The following SIPA1L2 variants were observed in gnomAD, a reference collection of about 807,000 sequenced individuals.
SIPA1L2 encodes the protein signal induced proliferation associated 1 like 2.
Under a neutral mutation model 163.9 loss-of-function variants are expected in SIPA1L2, and 56 were observed. That is an observed-to-expected ratio of 0.34 (90% confidence interval 0.28 to 0.43). SIPA1L2 has a LOEUF of 0.43. Among genes scored for constraint, SIPA1L2 ranks in the 20% least tolerant of loss-of-function variants. The pLI, the probability that SIPA1L2 is intolerant of heterozygous loss-of-function variation, is 1.00. For synonymous variants in SIPA1L2, 877 were observed against 865.7 expected (o/e 1.01, Z -0.23); for missense variants, 1,974 against 2,193.5 (o/e 0.90, Z 2.00).
At position 232,438,666 on chromosome 1, in the gene SIPA1L2, G is replaced by A. The variant is rs77877818; in HGVS notation, c.4031+442C>T. On this transcript the variant is annotated intron_variant, in intron 15 of 22. Coordinates refer to ENST00000674635, the MANE Select transcript of SIPA1L2 (RefSeq NM_020808.5). ...TCAGGCCTCCCCTGCTGTCAGGGCCGTAGGAACAGGGAGGAAGTGTGTGCA... is the reference window on the plus strand; with the variant it reads ...TCAGGCCTCCCCTGCTGTCAGGGCCATAGGAACAGGGAGGAAGTGTGTGCA... Among the ~76,000 whole-genome samples, 874 of 152,320 alleles carry A rather than the reference G, an allele frequency of 5.7e-3. 6 individuals are homozygous for A. Among genetic ancestry groups the A allele is most frequent in the African/African-American group, 0.016 (653 of 41,580 alleles).
At chr1:232,416,986 CTTTT>C in intron 18 of SIPA1L2, among the ~76,000 whole-genome samples, 1 of 152,318 alleles carries the variant, frequency 6.6e-6, no homozygotes, top group South Asian at 2.1e-4. Context: ...TTTAATGTGC[CTTTT>C]CTGAACCTGC....
rs1054398041 is a variant in SIPA1L2 at position 232,409,045 on chromosome 1, T to C, written c.4763-4867A>G. On this transcript the variant is annotated intron_variant, in intron 19 of 22. Transcript: ENST00000674635. The stretch of plus-strand genomic sequence containing the variant: ...ACCCATGTAACTCTTATATTCAGAT[T>C]TCTGTCTGAGCTCTTAATTTTTCTT... 7.9e-5 allele frequency among the ~76,000 whole-genome samples: 12 copies of C among 152,304 alleles called. No homozygotes were observed. In the South Asian group the frequency reaches 2.5e-3, roughly 32 times the overall value.
At chr1:232,455,612 C>T (rs996119071) in intron 10 of SIPA1L2, among the ~76,000 whole-genome samples, 10 of 71,274 alleles carry the variant, frequency 1.4e-4, no homozygotes, top group South Asian at 5.2e-4. Context: ...ACCCGTGAGG[C>T]GGAGCTTGCA....
chr1:232,608,114 T>G (rs1662055260), intron 1 of SIPA1L2, among the ~76,000 whole-genome samples: 1 of 146,250 alleles, frequency 6.8e-6, no homozygotes, highest in African/African-American at 2.6e-5. Flanking sequence ...TGGCGCAATC[T>G]CAGCTCACCA....
At chr1:232,556,838 C>T (rs1020621770) in intron 2 of SIPA1L2, among the ~76,000 whole-genome samples, 1 of 152,076 alleles carries the variant, frequency 6.6e-6, no homozygotes, top group Non-Finnish European at 1.5e-5. Context: ...TCTTGGAAAG[C>T]TCATTTAATT....
Position 232,423,348 on chromosome 1 carries a change from T to C in SIPA1L2, c.4630+2241A>G, listed in dbSNP as rs377084408. ...TCTATAATCACATAGGCGATTGTGG[T>C]AGTCAGAAGGCCAGGGAACTAGAGG... On this transcript the variant is annotated intron_variant, in intron 18 of 22. Transcript: ENST00000674635. 1.3e-4 allele frequency among the ~76,000 whole-genome samples: 20 copies of C among 152,324 alleles called. No individual in the cohort carries two copies. In the East Asian group the frequency reaches 3.9e-3, roughly 29 times the overall value.
chr1:232,406,607 G>A (rs1393419063), intron 19 of SIPA1L2, among the ~76,000 whole-genome samples: 1 of 152,176 alleles, frequency 6.6e-6, no homozygotes, highest in Non-Finnish European at 1.5e-5. Flanking sequence ...ATTGGTGGGG[G>A]TGAATGGTCT....
chr1:232,528,078 TTA>T (rs67185229), intron 2 of SIPA1L2, among the ~76,000 whole-genome samples: 4,753 of 95,808 alleles, frequency 0.05, 397 homozygotes, highest in African/African-American at 0.17. Context: ...TAAGCAAGTT[TTA>T]TATATATATA....
At chr1:232,569,791 C>G (rs1332333868) in intron 2 of SIPA1L2, among the ~76,000 whole-genome samples, 3 of 152,160 alleles carry the variant, frequency 2.0e-5, no homozygotes, top group African/African-American at 4.8e-5. Flanking sequence ...CTAGCCTGGG[C>G]AACAGAGCAA....
At chr1:232,436,454 T>C (rs1662568372) in intron 15 of SIPA1L2, among the ~76,000 whole-genome samples, 1 of 152,120 alleles carries the variant, frequency 6.6e-6, no homozygotes, top group Admixed American at 6.5e-5. Context: ...TTAGGCAGGA[T>C]GGTCACCCCG....
chr1:232,480,519 T>C (rs1169732923), intron 6 of SIPA1L2, among the ~76,000 whole-genome samples: 1 of 152,206 alleles, frequency 6.6e-6, no homozygotes, highest in Non-Finnish European at 1.5e-5. Context: ...ACTCCATCTG[T>C]ATTATCAATA....
At chr1:232,404,553 G>A (rs868867127) in intron 19 of SIPA1L2, among the ~76,000 whole-genome samples, 1 of 152,172 alleles carries the variant, frequency 6.6e-6, no homozygotes, top group Non-Finnish European at 1.5e-5. Flanking sequence ...GAGGGGCTCA[G>A]TATGTATAGC....
intron 8 of SIPA1L2, among the ~76,000 whole-genome samples, chr1:232,468,828 C>G (rs6672664): frequency 0.18 from 26,895 of 152,138 alleles, 2,575 homozygotes; most frequent in Non-Finnish European, 0.22. Context: ...AAACATAAAT[C>G]CCTGACAGCT....
rs368057640 is a variant in SIPA1L2, at chr1:232,600,837, T to TA, written c.-318-26616dup. 2.4e-3 allele frequency among the ~76,000 whole-genome samples: 360 copies of TA among 152,258 alleles called. 3 individuals carry two copies. The highest frequency in any genetic ancestry group is 7.1e-3 in the African/African-American group (296 of 41,552). On this transcript the variant is annotated intron_variant, in intron 1 of 22. Coordinates refer to ENST00000674635, the MANE Select transcript of SIPA1L2 (RefSeq NM_020808.5). ...ACTCATATGGAAGCCTCAGGGCACA[T>TA]AGGTGACAGCCAGGCAGCCTACACA...
rs775121219 is a variant in SIPA1L2, at chr1:232,624,602, T to C, written c.-319+5267A>G. 4.3e-4 allele frequency among the ~76,000 whole-genome samples: 66 copies of C among 152,228 alleles called. 1 individual carries two copies. The highest frequency in any genetic ancestry group is 7.1e-4 in the Non-Finnish European group (48 of 68,042). On this transcript the variant is annotated intron_variant, in intron 1 of 22. Coordinates refer to ENST00000674635, the MANE Select transcript of SIPA1L2 (RefSeq NM_020808.5). Reference sequence around the variant, plus strand: ...TTAACACTGGCTCTTTACCTAGATATTTTTACTTAAGAGTTTGAATAAACT... The same window carrying C: ...TTAACACTGGCTCTTTACCTAGATACTTTTACTTAAGAGTTTGAATAAACT...
At chr1:232,479,606 T>C (rs1178610958) in intron 7 of SIPA1L2, 21 bp downstream of exon 7, 1 of 1,600,486 alleles carries the variant, frequency 6.2e-7, no homozygotes, top group Non-Finnish European at 8.6e-7. Flanking sequence ...CGTAAAAAGC[T>C]CCAGGCTGGG....
At chr1:232,472,239 G>A (rs891002828) in intron 7 of SIPA1L2, among the ~76,000 whole-genome samples, 1 of 152,138 alleles carries the variant, frequency 6.6e-6, no homozygotes, top group African/African-American at 2.4e-5. Flanking sequence ...CCCAGACAAT[G>A]CAGTTGTCTC....
At chr1:232,454,482 G>C (rs1055721782) in intron 10 of SIPA1L2, among the ~76,000 whole-genome samples, 2 of 152,194 alleles carry the variant, frequency 1.3e-5, no homozygotes, top group Admixed American at 6.5e-5. Flanking sequence ...TTGTTTCTTA[G>C]AAAGCTTGAG....
intron 16 of SIPA1L2, among the ~76,000 whole-genome samples, chr1:232,430,870 C>A (rs1397783670): frequency 6.6e-6 from 1 of 152,192 alleles, no homozygotes; most frequent in Non-Finnish European, 1.5e-5. Context: ...CCACAGGGGT[C>A]CCCAGGTGGG....
Sources: gnomAD v4.1 joint callset for allele counts (sites outside exome capture counted in the v4.1 genomes callset) on GRCh38, gnomAD v4.1.1 for gene constraint, MANE v1.5 for transcripts, NCBI Gene and HGNC (gene_info 2026-07-23, HGNC 2026-07-21) for gene names.